Variants in ZNF414 observed in about 807,000 individuals in gnomAD.
The protein encoded by ZNF414 is zinc finger protein 414.
ZNF414 carries 32 observed loss-of-function variants against 38.3 expected under a neutral mutation model. That is an observed-to-expected ratio of 0.83 (90% CI 0.63 to 1.12). ZNF414 has a LOEUF of 1.12. ZNF414 is among the 50% of genes most tolerant of loss of function. ZNF414 has a pLI of 0.00. For missense variants in ZNF414, 589 were observed against 557.4 expected (o/e 1.06, Z -0.57); for synonymous variants, 256 against 248.0 (o/e 1.03, Z -0.30).
At chr19:8,511,152 A>G (rs1971907659) in intron 6 of ZNF414, 128 bp from the exon 7 acceptor site, 1 of 1,280,532 alleles carries the variant, frequency 7.8e-7, no homozygotes, top group South Asian at 2.6e-5. Flanking sequence ...CCGGGCGCCT[A>G]GTTCAGTTTC....
intron 6 of ZNF414, 120 bp downstream of exon 6, chr19:8,511,366 G>A: frequency 2.0e-6 from 3 of 1,488,866 alleles, no homozygotes; most frequent in Non-Finnish European, 2.7e-6. Context: ...ATTTCGGGAC[G>A]GTGGCATTTG....
rs1176996631 is a variant in ZNF414 at position 8,512,596 on chromosome 19, G to A, written c.424+8C>T. The A allele has an allele frequency of 1.3e-6, 2 of 1,592,578 alleles. No homozygotes were observed. The highest frequency in any genetic ancestry group is 1.8e-5 in the Admixed American group (1 of 56,314). ...AACCTGCCTCCCCATTACCAGTCCT[G>A]GCCCTACCTTCCAGGGACTGTGTGG... On this transcript the variant is annotated splice_region_variant and intron_variant, in intron 3 of 7. Coordinates refer to ENST00000393927, the MANE Select transcript of ZNF414 (RefSeq NM_001146175.2).
At position 8,510,294 on chromosome 19, in the gene ZNF414, GAAAAAAAAAAA is replaced by G. The variant is rs1200184003; in HGVS notation, c.*386_*396del. The G allele has an allele frequency of 3.9e-5, 1 of 25,558 alleles. No individual in the cohort carries two copies. The highest frequency in any genetic ancestry group is 9.5e-5 in the Non-Finnish European group (1 of 10,548). 1.6% of individuals were successfully genotyped at this position (25,558 alleles called of 1,614,324 possible). On this transcript the variant is annotated 3_prime_UTR_variant, in exon 8 of 8. Transcript: ENST00000393927. ...GACAGAGCAAGACTGTCTCAAAAAA[GAAAAAAAAAAA>G]AAGAAAAAAAAAAAAAAAGAAAACT...
Position 8,514,130 on chromosome 19 carries a change from G to A in ZNF414, c.-84C>T, listed in dbSNP as rs1971957761. 2 of 1,375,666 alleles carry A rather than the reference G, an allele frequency of 1.5e-6. No homozygotes were observed. The highest frequency in any genetic ancestry group is 1.9e-6 in the Non-Finnish European group (2 of 1,061,770). 85.2% of individuals were successfully genotyped at this position (1,375,666 alleles called of 1,614,324 possible). A position where few individuals can be genotyped will look rare whatever the true frequency, so the allele number is the denominator to read the frequency against. ...GCCACCCTCTGGGCAGTGCGAGTTC[G>A]CGCTCACGTCAGCGCCATTTTCCAC... On this transcript the variant is annotated 5_prime_UTR_variant, in exon 1 of 8. Coordinates refer to ENST00000393927, the MANE Select transcript of ZNF414 (RefSeq NM_001146175.2).
chr19:8,512,317 G>GA (rs1329287467), intron 4 of ZNF414, 70 bp downstream of exon 4: 2 of 1,583,146 alleles, frequency 1.3e-6, no homozygotes, highest in Admixed American at 1.7e-5. Flanking sequence ...ACCAGGAAGG[G>GA]AGGAAGGCCT....
chr19:8,511,076 C>A (rs1010476637), intron 6 of ZNF414, 52 bp from the exon 7 acceptor site: 2 of 1,286,636 alleles, frequency 1.6e-6, no homozygotes, highest in South Asian at 2.5e-5. Context: ...CCCAGAAGAC[C>A]CGTGCGCCAA....
rs1298935387 is a variant in ZNF414, at chr19:8,510,630, C to A, written c.*61G>T. The A allele has an allele frequency of 2.1e-6, 3 of 1,441,154 alleles. No individual in the cohort carries two copies. The highest frequency in any genetic ancestry group is 2.8e-6 in the Non-Finnish European group (3 of 1,059,434). 89.3% of individuals were successfully genotyped at this position (1,441,154 alleles called of 1,614,324 possible). Reference sequence around the variant, plus strand: ...TGTCCACCCCAGCCCCCCTTCCCTGCAGCCCCCTCCAAATGACAAAACTAC... The same window carrying A: ...TGTCCACCCCAGCCCCCCTTCCCTGAAGCCCCCTCCAAATGACAAAACTAC... On this transcript the variant is annotated 3_prime_UTR_variant, in exon 8 of 8. Transcript: ENST00000393927.
chr19:8,511,522 G>A lies in ZNF414; in HGVS notation c.889C>T (p.Pro297Ser). Residue 297 changes from proline to serine, a missense_variant, in exon 6 of 8, where the codon CCC becomes TCC. Transcript: ENST00000393927. ...TCGGAGCCGCCCTGGGGTCTTCGGG[G>A]GCTGCTGCCAGCACCTGCGGTAAAG... ...WKKSQGAGSSPRRPQGGSDAP... is the reference protein window; with the variant it reads ...WKKSQGAGSSSRRPQGGSDAP... 3 of 1,603,260 alleles carry A rather than the reference G, an allele frequency of 1.9e-6. No homozygotes were observed. Among genetic ancestry groups the A allele is most frequent in the Non-Finnish European group, 2.6e-6 (3 of 1,175,358 alleles).
chr19:8,511,892 T>C lies in ZNF414; in HGVS notation c.599A>G (p.Glu200Gly). 1 of 1,411,478 alleles carries C rather than the reference T, an allele frequency of 7.1e-7. No homozygotes were observed. Among genetic ancestry groups the C allele is most frequent in the Non-Finnish European group, 9.2e-7 (1 of 1,090,724 alleles). 87.4% of individuals were successfully genotyped at this position (1,411,478 alleles called of 1,614,324 possible). Residue 200 changes from glutamate to glycine, a missense_variant, in exon 5 of 8, where the codon GAG becomes GGG. Transcript: ENST00000393927. ...CGGCGGGGCTGGGCTCTGCGCATGC[T>C]CCGCGCAAACATGCAGGTGCTTGAA... is the stretch of plus-strand genomic sequence containing the variant. ...SLFKHLHVCA[E>G]HAQSPAPPPP... is the part of the protein sequence containing the mutation.
Position 8,510,870 on chromosome 19 carries a change from C to A in ZNF414, c.1080G>T (p.Pro360=), listed in dbSNP as rs1304672068. ...GAPAAPAAGP[P]RPDAPADPAP... ...CCTTACCCGCGGGGGCGTCGGGGCG[C>A]GGCGGCCCGGCCGCGGGGGCCGCGG... is the stretch of plus-strand genomic sequence containing the variant. Residue 360 remains proline (P), a synonymous_variant, in exon 7 of 8, where the codon CCG becomes CCT. Coordinates refer to ENST00000393927, the MANE Select transcript of ZNF414 (RefSeq NM_001146175.2). The A allele has an allele frequency of 8.9e-7, 1 of 1,120,392 alleles. No homozygotes were observed. The highest frequency in any genetic ancestry group is 1.7e-5 in the African/African-American group (1 of 59,708). The allele number at this position is 1,120,392 out of a possible 1,614,324, so 69.4% of individuals were successfully genotyped here. A position where few individuals can be genotyped will look rare whatever the true frequency, so the allele number is the denominator to read the frequency against.
rs534955424 is a variant in ZNF414, at chr19:8,510,308, G to GAAAAAAAAA, written c.*374_*382dup. On this transcript the variant is annotated 3_prime_UTR_variant, in exon 8 of 8. Transcript: ENST00000393927. ...GTCTCAAAAAAGAAAAAAAAAAAAAGAAAAAAAAAAAAAAAGAAAACTGGA... is the reference window on the plus strand; with the variant it reads ...GTCTCAAAAAAGAAAAAAAAAAAAAGAAAAAAAAAAAAAAAAAAAAAAAAGAAAACTGGA... 3.0e-5 allele frequency: 3 copies of GAAAAAAAAA among 101,070 alleles called. No homozygotes were observed. Among genetic ancestry groups the GAAAAAAAAA allele is most frequent in the Non-Finnish European group, 4.2e-5 (2 of 47,314 alleles). 6.3% of individuals were successfully genotyped at this position (101,070 alleles called of 1,614,324 possible). A position where few individuals can be genotyped will look rare whatever the true frequency, so the allele number is the denominator to read the frequency against.
At position 8,511,044 on chromosome 19, in the gene ZNF414, C is replaced by T. The variant is rs1264902789; in HGVS notation, c.926-20G>A. The T allele has an allele frequency of 7.8e-7, 1 of 1,283,006 alleles. No individual in the cohort carries two copies. The highest frequency in any genetic ancestry group is 9.8e-7 in the Non-Finnish European group (1 of 1,015,636). The allele number at this position is 1,283,006 out of a possible 1,614,324, so 79.5% of individuals were successfully genotyped here. A position where few individuals can be genotyped will look rare whatever the true frequency, so the allele number is the denominator to read the frequency against. ...CGTGCCCTGCGGGCAGGCGGGACCCCGTCAGTCCCGGGCTCCCCCAGCCCA... is the reference window on the plus strand; with the variant it reads ...CGTGCCCTGCGGGCAGGCGGGACCCTGTCAGTCCCGGGCTCCCCCAGCCCA... On this transcript the variant is annotated intron_variant, in intron 6 of 7. Transcript: ENST00000393927.
intron 1 of ZNF414, among the ~76,000 whole-genome samples, chr19:8,513,731 T>A (rs1485244960): frequency 1.3e-5 from 2 of 151,810 alleles, no homozygotes; most frequent in African/African-American, 2.4e-5. Context: ...TGGGCAGGCA[T>A]GGACTGGGAA....
chr19:8,510,698 T>C lies in ZNF414; in HGVS notation c.1166A>G (p.Gln389Arg). Residue 389 changes from glutamine to arginine, a missense_variant, in exon 8 of 8, where the codon CAG (glutamine) becomes CGG (arginine). Gln to Arg is a conservative substitution (Grantham distance 43, BLOSUM62 1). Coordinates refer to ENST00000393927, the MANE Select transcript of ZNF414 (RefSeq NM_001146175.2). ...LSEGELPVFS[Q>R]L ...CCCCCAAAGCGGCGGGATTCAGAGC[T>C]GCGAGAACACTGGAAGCTCCCCCTC... 1 of 1,546,194 alleles carries C rather than the reference T, an allele frequency of 6.5e-7. No homozygotes were observed. The highest frequency in any genetic ancestry group is 8.7e-7 in the Non-Finnish European group (1 of 1,143,924).
chr19:8,512,127 G>T (rs543851305), intron 4 of ZNF414, 167 bp from the exon 5 acceptor site: 382 of 1,422,478 alleles, frequency 2.7e-4, no homozygotes, highest in Middle Eastern at 1.0e-3. Flanking sequence ...ACTTCGGGTG[G>T]GAACCTGGGG....
rs1169181089 is a variant in ZNF414, at chr19:8,510,781, AG to A, written c.1100-18del. The A allele has an allele frequency of 1.3e-5, 20 of 1,537,112 alleles. No individual in the cohort carries two copies. The East Asian group carries it at 2.5e-4, about 19-fold the overall frequency. On this transcript the variant is annotated intron_variant, in intron 7 of 7. Transcript: ENST00000393927. ...GGGCCGGATCTGGGTGGGGCAGAGG[AG>A]GGGGGCGCCTGAGCCTCAGCGCCTT...
At chr19:8,511,094 G>T in intron 6 of ZNF414, 70 bp from the exon 7 acceptor site, 1 of 1,287,756 alleles carries the variant, frequency 7.8e-7, no homozygotes, top group South Asian at 2.5e-5. Context: ...CAAGGATGGA[G>T]GACGCCGGCG....
rs867587065 is a variant in ZNF414 at position 8,511,169 on chromosome 19, G to C, written c.926-145C>G. On this transcript the variant is annotated intron_variant, in intron 6 of 7. Transcript: ENST00000393927. ...GGGCGCCTAGTTCAGTTTCTCCCGG[G>C]TCTGTCTGCCCCTAGAGTTGGGGGC... 2.5e-5 allele frequency: 33 copies of C among 1,301,498 alleles called. 1 individual carries two copies. In the South Asian group the frequency reaches 7.6e-4, roughly 30 times the overall value. 80.6% of individuals were successfully genotyped at this position (1,301,498 alleles called of 1,614,324 possible). A position where few individuals can be genotyped will look rare whatever the true frequency, so the allele number is the denominator to read the frequency against.
At position 8,510,851 on chromosome 19, in the gene ZNF414, C is replaced by A; in HGVS notation, c.1099G>T (p.Asp367Tyr). 6 of 1,210,358 alleles carry A rather than the reference C, an allele frequency of 5.0e-6. No homozygotes were observed. Among genetic ancestry groups the A allele is most frequent in the Non-Finnish European group, 6.3e-6 (6 of 954,414 alleles). 75.0% of individuals were successfully genotyped at this position (1,210,358 alleles called of 1,614,324 possible). A position where few individuals can be genotyped will look rare whatever the true frequency, so the allele number is the denominator to read the frequency against. The change falls in exon 7 of 8, where the codon GAT becomes TAT. Residue 367 changes from aspartate (D) to tyrosine (Y), a missense_variant and splice_region_variant. Coordinates refer to ENST00000393927, the MANE Select transcript of ZNF414 (RefSeq NM_001146175.2). Reference sequence around the variant, plus strand: ...CCACCCGCGCATTCCTCGGCCTTACCCGCGGGGGCGTCGGGGCGCGGCGGC... The same window carrying A: ...CCACCCGCGCATTCCTCGGCCTTACACGCGGGGGCGTCGGGGCGCGGCGGC... Reference protein sequence around the residue: ...AGPPRPDAPADPAPLAPKVSP... With the variant: ...AGPPRPDAPAYPAPLAPKVSP...
Sources: gnomAD v4.1 joint callset for allele counts (sites outside exome capture counted in the v4.1 genomes callset) on GRCh38, gnomAD v4.1.1 for gene constraint, MANE v1.5 for transcripts, NCBI Gene and HGNC (gene_info 2026-07-23, HGNC 2026-07-21) for gene names.